Variants in TCP11L2 observed in about 807,000 individuals in gnomAD.
TCP11L2 encodes T-complex protein 11-like protein 2.
TCP11L2 carries 39 observed loss-of-function variants against 50.7 expected under a neutral mutation model. That is an observed-to-expected ratio of 0.77 (90% CI 0.60 to 1.01). The LOEUF (loss-of-function observed/expected upper bound fraction) is 1.01. TCP11L2 is among the 50% of genes least tolerant of loss of function. TCP11L2 has a pLI of 0.00. For synonymous variants in TCP11L2, 192 were observed against 219.3 expected, an observed-to-expected ratio of 0.88 and a Z score of 1.10; for missense variants, 612 against 614.7, an observed-to-expected ratio of 1.00 and a Z score of 0.05.
In TCP11L2 at chr12:106,314,384, T is replaced by A. The variant is rs1173228713; in HGVS notation, c.184T>A (p.Phe62Ile). 2 of 1,612,474 alleles carry A rather than the reference T, an allele frequency of 1.2e-6. No individual in the cohort carries two copies. Among genetic ancestry groups the A allele is most frequent in the Admixed American group, 1.7e-5 (1 of 59,994 alleles). The change falls in exon 3 of 10, where the codon TTT becomes ATT. Residue 62 changes from phenylalanine (F) to isoleucine (I), a missense_variant. By Grantham distance (21) the Phe-to-Ile change is conservative (BLOSUM62 0). Transcript: ENST00000299045. ...ASTSPPRVVT[F>I]DEVMATARNL... ...AACAAGCCCTCCAAGGGTTGTAACA[T>A]TTGATGAAGTGATGGCTACAGCAAG...
intron 3 of TCP11L2, 135 bp downstream of exon 3, chr12:106,314,628 A>G (rs1473547926): frequency 1.7e-5 from 13 of 756,876 alleles, no homozygotes; most frequent in Middle Eastern, 3.6e-4. Flanking sequence ...ACACATATTT[A>G]CACTGATTCC....
At chr12:106,314,535 CTGTG>C (rs55918458) in intron 3 of TCP11L2, 42 bp downstream of exon 3, 14,522 of 702,344 alleles carry the variant, frequency 0.021, 263 homozygotes, top group East Asian at 0.028. Context: ...GCTGAAGATT[CTGTG>C]TGTGTGTGTG....
chr12:106,301,178 G>C (rs569647907), upstream of TCP11L2, among the ~76,000 whole-genome samples: 1 of 152,178 alleles, frequency 6.6e-6, no homozygotes, highest in East Asian at 1.9e-4. Context: ...TGTTTGTAGG[G>C]AAGAACTCAG....
chr12:106,328,560 A>C (rs889568171), intron 6 of TCP11L2, among the ~76,000 whole-genome samples: 1 of 152,150 alleles, frequency 6.6e-6, no homozygotes, highest in Admixed American at 6.5e-5. Flanking sequence ...AAAACAAAAC[A>C]AAACAAAAAA....
intron 9 of TCP11L2, among the ~76,000 whole-genome samples, chr12:106,342,999 T>C (rs2036133148): frequency 6.6e-6 from 1 of 152,238 alleles, no homozygotes; most frequent in Admixed American, 6.5e-5. Context: ...AACTTTCCTG[T>C]CCTTTTGCAA....
chr12:106,320,379 A>G lies in TCP11L2; in HGVS notation c.415-1107A>G, dbSNP rs552488676. On this transcript the variant is annotated intron_variant, in intron 4 of 9. Transcript: ENST00000299045. ...CACCACTGCACTCCGGCCTGGTGAC[A>G]GAGCGAGACTCCATCTCAAAAAAAA... 3.9e-5 allele frequency among the ~76,000 whole-genome samples: 6 copies of G among 152,214 alleles called. No individual in the cohort carries two copies. The East Asian group carries it at 1.2e-3, about 29-fold the overall frequency.
chr12:106,312,339 TG>T, intron 2 of TCP11L2: 1 of 1,046,156 alleles, frequency 9.6e-7, no homozygotes, highest in Admixed American at 2.5e-5. Context: ...GAAAGACTTT[TG>T]GATATCACTG....
chr12:106,335,548 C>T, intron 6 of TCP11L2, 91 bp from the exon 7 acceptor site: 1 of 1,357,898 alleles, frequency 7.4e-7, no homozygotes, highest in South Asian at 1.4e-5. Context: ...CTCATTCATG[C>T]CCAGCACCCA....
chr12:106,305,586 G>A (rs895709598), intron 1 of TCP11L2, among the ~76,000 whole-genome samples: 2 of 152,178 alleles, frequency 1.3e-5, no homozygotes, highest in East Asian at 1.9e-4. Context: ...GAAAACTCAA[G>A]GTGTCTTATG....
At chr12:106,313,136 T>C (rs1244782770) in intron 2 of TCP11L2, among the ~76,000 whole-genome samples, 1 of 152,224 alleles carries the variant, frequency 6.6e-6, no homozygotes, top group Admixed American at 6.5e-5. Flanking sequence ...GAGTTCTTAC[T>C]ATCTTCTTCT....
chr12:106,318,711 T>A (rs2035197032), intron 4 of TCP11L2, among the ~76,000 whole-genome samples: 1 of 152,132 alleles, frequency 6.6e-6, no homozygotes, highest in African/African-American at 2.4e-5. Context: ...CTTTAGGGTC[T>A]TTTTGTTGTT....
chr12:106,323,375 C>T, intron 5 of TCP11L2, 135 bp from the exon 6 acceptor site: 2 of 639,998 alleles, frequency 3.1e-6, no homozygotes, highest in African/African-American at 1.9e-5. Flanking sequence ...GAAACATGAC[C>T]CTACCAAATG....
In TCP11L2 at chr12:106,315,145, A is replaced by G. The variant is rs151122251; in HGVS notation, c.293+652A>G. Among the ~76,000 whole-genome samples the G allele has an allele frequency of 2.5e-3, 376 of 152,240 alleles. 4 individuals are homozygous for G. Among genetic ancestry groups the G allele is most frequent in the African/African-American group, 8.6e-3 (356 of 41,524 alleles). ...CAGCTACTTGGGAGGCTGAGGCAGGAGAATTGCGTGAACCCAGGAGGTGGA... is the reference window on the plus strand; with the variant it reads ...CAGCTACTTGGGAGGCTGAGGCAGGGGAATTGCGTGAACCCAGGAGGTGGA... On this transcript the variant is annotated intron_variant, in intron 3 of 9. Coordinates refer to ENST00000299045, the MANE Select transcript of TCP11L2 (RefSeq NM_152772.3).
intron 8 of TCP11L2, among the ~76,000 whole-genome samples, chr12:106,336,547 ATTTTTTT>A (rs11449901): frequency 2.6e-4 from 27 of 102,168 alleles, no homozygotes; most frequent in African/African-American, 7.0e-4. Context: ...GAATTGCGCA[ATTTTTTT>A]TTTTTTTTTT....
chr12:106,310,912 A>G, intron 1 of TCP11L2, 129 bp from the exon 2 acceptor site: 1 of 763,850 alleles, frequency 1.3e-6, no homozygotes, highest in East Asian at 2.7e-5. Flanking sequence ...TGGGGGAAGG[A>G]TGAGGTCATC....
Position 106,318,416 on chromosome 12 carries a change from C to T in TCP11L2, c.366C>T (p.Asp122=). 1 of 1,614,074 alleles carries T rather than the reference C, an allele frequency of 6.2e-7. No homozygotes were observed. The highest frequency in any genetic ancestry group is 2.2e-5 in the East Asian group (1 of 44,884). Residue 122 remains aspartate, a synonymous_variant, in exon 4 of 10, where the codon GAC becomes GAT. Transcript: ENST00000299045. ...WDVLDSELNA[D]PPEFEHAIKL... ...TCTTGGATTCAGAACTAAATGCTGACCCTCCTGAGTTTGAACATGCCATCA... is the reference window on the plus strand; with the variant it reads ...TCTTGGATTCAGAACTAAATGCTGATCCTCCTGAGTTTGAACATGCCATCA...
intron 9 of TCP11L2, among the ~76,000 whole-genome samples, chr12:106,345,067 C>T (rs1322535240): frequency 2.6e-5 from 4 of 152,168 alleles, no homozygotes; most frequent in Non-Finnish European, 5.9e-5. Flanking sequence ...GTGGCATGAT[C>T]ACAGCTCACT....
At chr12:106,312,286 T>G in intron 2 of TCP11L2, 1 of 396,816 alleles carries the variant, frequency 2.5e-6, no homozygotes, top group Non-Finnish European at 4.6e-6. Context: ...TTTGCTGTTA[T>G]AAATAGTGCT....
intron 3 of TCP11L2, among the ~76,000 whole-genome samples, chr12:106,317,534 T>G (rs1002146584): frequency 3.3e-5 from 5 of 152,110 alleles, no homozygotes; most frequent in African/African-American, 1.2e-4. Flanking sequence ...AGAGATATAC[T>G]TATCAAATTA....
Sources: gnomAD v4.1 joint callset for allele counts (sites outside exome capture counted in the v4.1 genomes callset) on GRCh38, gnomAD v4.1.1 for gene constraint, MANE v1.5 for transcripts, NCBI Gene and HGNC (gene_info 2026-07-23, HGNC 2026-07-21) for gene names.